SLC44A5: variants seen among roughly 807,000 people sequenced by gnomAD.
SLC44A5 encodes the protein solute carrier family 44 member 5, also known as choline transporter-like protein 5.
A neutral mutation model predicts 101.8 loss-of-function variants in SLC44A5; 57 were observed. The observed-to-expected ratio is 0.56, with a 90% confidence interval of 0.45 to 0.70. The LOEUF (loss-of-function observed/expected upper bound fraction) is 0.70, where lower values mean the gene tolerates loss of function less well. SLC44A5 is among the 30% of genes least tolerant of loss of function. The pLI, the probability that SLC44A5 is intolerant of heterozygous loss-of-function variation, is 0.00. For synonymous variants in SLC44A5, 281 were observed against 290.9 expected, an observed-to-expected ratio of 0.97 and a Z score of 0.35; for missense variants, 737 against 853.1, an observed-to-expected ratio of 0.86 and a Z score of 1.70.
intron 2 of SLC44A5, among the ~76,000 whole-genome samples, chr1:75,417,787 A>T (rs1663750811): frequency 6.6e-6 from 1 of 152,244 alleles, no homozygotes; most frequent in African/African-American, 2.4e-5. Flanking sequence ...AGAGCCAAAG[A>T]GCCAAGGCTA....
intron 6 of SLC44A5, among the ~76,000 whole-genome samples, chr1:75,264,795 T>C (rs1268159722): frequency 2.0e-5 from 3 of 149,684 alleles, no homozygotes; most frequent in East Asian, 2.0e-4. Context: ...GAGAACAAAA[T>C]AGAGATTAAA....
chr1:75,399,352 C>A (rs1356936254), intron 2 of SLC44A5, among the ~76,000 whole-genome samples: 1 of 152,020 alleles, frequency 6.6e-6, no homozygotes, highest in Non-Finnish European at 1.5e-5. Flanking sequence ...TTTAATCTAA[C>A]CTACACATAA....
At chr1:75,436,943 G>A (rs967874335) in intron 2 of SLC44A5, among the ~76,000 whole-genome samples, 29 of 152,086 alleles carry the variant, frequency 1.9e-4, no homozygotes, top group African/African-American at 3.9e-4. Context: ...GGTTAGGATC[G>A]TCAGTATCAC....
At chr1:75,625,627 A>G in the SLC44A5 span, among the ~76,000 whole-genome samples, 17 of 152,174 alleles carry the variant, frequency 1.1e-4, no homozygotes, top group Non-Finnish European at 2.2e-4. Flanking sequence ...ATAATAAAAA[A>G]TAATAGGATC....
chr1:75,272,484 G>C (rs906521917), intron 6 of SLC44A5, among the ~76,000 whole-genome samples: 4 of 151,750 alleles, frequency 2.6e-5, no homozygotes, highest in African/African-American at 9.7e-5. Context: ...GTCCAGAAGA[G>C]TTTTTCCAAT....
chr1:75,402,331 G>A lies in SLC44A5; in HGVS notation c.14-5710C>T, dbSNP rs543325396. On this transcript the variant is annotated intron_variant, in intron 2 of 23. Coordinates refer to ENST00000370859, the MANE Select transcript of SLC44A5 (RefSeq NM_001130058.2). ...CTCCTTCTCTGTAAAATGGGATGGA[G>A]CTTTTTCACGGGGTTTTTTAAGAAA... The A allele has an allele frequency of 4.9e-4, 121 of 244,724 alleles. 2 individuals are homozygous for A. Among genetic ancestry groups the A allele is most frequent in the South Asian group, 4.3e-3 (117 of 26,920 alleles). 15.2% of individuals were successfully genotyped at this position (244,724 alleles called of 1,614,324 possible).
chr1:75,641,809 T>G, the SLC44A5 span: 4 of 1,524,140 alleles, frequency 2.6e-6, no homozygotes, highest in East Asian at 9.0e-5. Flanking sequence ...GACAATCACA[T>G]AAAGGCCAGT....
the SLC44A5 span, among the ~76,000 whole-genome samples, chr1:75,683,959 A>G: frequency 5.1e-4 from 77 of 152,266 alleles, no homozygotes; most frequent in African/African-American, 1.8e-3. Context: ...GTTCGTTTTC[A>G]TGCTTCTAAT....
intron 2 of SLC44A5, among the ~76,000 whole-genome samples, chr1:75,425,342 T>C (rs1225237791): frequency 6.6e-6 from 1 of 152,186 alleles, no homozygotes; most frequent in African/African-American, 2.4e-5. Context: ...TTATGAATAG[T>C]AAAGAGCTTT....
At chr1:75,654,425 A>T in the SLC44A5 span, among the ~76,000 whole-genome samples, 4 of 152,206 alleles carry the variant, frequency 2.6e-5, no homozygotes, top group Non-Finnish European at 5.9e-5. Flanking sequence ...CAATTGATGC[A>T]TGTTGCACAT....
At chr1:75,572,127 C>T (rs1176785136) in intron 1 of SLC44A5, among the ~76,000 whole-genome samples, 3 of 152,114 alleles carry the variant, frequency 2.0e-5, no homozygotes, top group African/African-American at 7.2e-5. Context: ...TGTACCCTTC[C>T]TTAGGAAGTT....
At chr1:75,494,503 C>G (rs1668574123) in intron 2 of SLC44A5, among the ~76,000 whole-genome samples, 1 of 152,132 alleles carries the variant, frequency 6.6e-6, no homozygotes, top group Non-Finnish European at 1.5e-5. Context: ...GACAGGCAAT[C>G]ACTAATGCCC....
chr1:75,399,807 T>C (rs1557744518), intron 2 of SLC44A5, among the ~76,000 whole-genome samples: 1 of 152,236 alleles, frequency 6.6e-6, no homozygotes, highest in Non-Finnish European at 1.5e-5. Context: ...ATGTTTTCTT[T>C]GACTTTCTGT....
At chr1:75,432,535 T>G (rs747022112) in intron 2 of SLC44A5, among the ~76,000 whole-genome samples, 1 of 152,214 alleles carries the variant, frequency 6.6e-6, no homozygotes, top group African/African-American at 2.4e-5. Flanking sequence ...TTATTTTACA[T>G]GATCACCAAT....
chr1:75,523,355 C>A (rs909862105), intron 2 of SLC44A5, among the ~76,000 whole-genome samples: 1 of 152,184 alleles, frequency 6.6e-6, no homozygotes, highest in Non-Finnish European at 1.5e-5. Context: ...TTAGATCCCC[C>A]AGGCTGGAGT....
At chr1:75,490,508 G>A (rs892981312) in intron 2 of SLC44A5, among the ~76,000 whole-genome samples, 3 of 152,104 alleles carry the variant, frequency 2.0e-5, no homozygotes, top group Admixed American at 2.0e-4. Flanking sequence ...TTTATGAAAA[G>A]AGCATCTTTC....
chr1:75,661,328 TA>T, the SLC44A5 span, among the ~76,000 whole-genome samples: 1 of 101,660 alleles, frequency 9.8e-6, no homozygotes, highest in Non-Finnish European at 2.0e-5. Flanking sequence ...ATACAAAAAT[TA>T]AATCAAAATG....
chr1:75,593,315 C>A (rs931622671), intron 1 of SLC44A5, among the ~76,000 whole-genome samples: 6 of 152,006 alleles, frequency 3.9e-5, no homozygotes, highest in African/African-American at 1.4e-4. Context: ...AAATGACTTA[C>A]ATCCAAAAGA....
At chr1:75,628,393 T>G in the SLC44A5 span, among the ~76,000 whole-genome samples, 2,972 of 152,254 alleles carry the variant, frequency 0.02, 50 homozygotes, top group Middle Eastern at 0.065. Context: ...GATTACAGAA[T>G]AGAATATTGA....
Sources: allele counts gnomAD v4.1 joint callset (sites outside exome capture counted in the v4.1 genomes callset), GRCh38; gene constraint gnomAD v4.1.1; transcripts MANE v1.5; gene names NCBI Gene and HGNC (gene_info 2026-07-23, HGNC 2026-07-21).